Variants in ARL8B observed in about 807,000 individuals in gnomAD.
ARL8B encodes the protein ADP-ribosylation factor-like protein 8B.
A neutral mutation model predicts 30.6 loss-of-function variants in ARL8B; 9 were observed. The ratio of observed to expected loss-of-function variants is 0.29; its 90% CI spans 0.18 to 0.51. ARL8B has a LOEUF of 0.51. Among genes scored for constraint, ARL8B ranks in the 20% least tolerant of loss-of-function variants. The pLI is 0.97. For missense variants in ARL8B, 130 were observed against 227.2 expected, an observed-to-expected ratio of 0.57 and a Z score of 2.75; for synonymous variants, 74 against 76.0, an observed-to-expected ratio of 0.97 and a Z score of 0.14.
At chr3:5,133,421 G>A (rs1408289167) in intron 1 of ARL8B, among the ~76,000 whole-genome samples, 1 of 152,218 alleles carries the variant, frequency 6.6e-6, no homozygotes, top group African/African-American at 2.4e-5. Context: ...GAGACAGTTG[G>A]GGAGGAGGGG....
rs1474000192 is a variant in ARL8B, at chr3:5,179,953, T to C, written c.*1240T>C. 2.0e-5 allele frequency: 3 copies of C among 152,798 alleles called. No individual in the cohort carries two copies. Among genetic ancestry groups the C allele is most frequent in the Admixed American group, 6.5e-5 (1 of 15,304 alleles). The allele number at this position is 152,798 out of a possible 1,614,324, so 9.5% of individuals were successfully genotyped here. ...CTTCAAATGGACATGTTTTGTAGTT[T>C]AGCGACTTCCGTATACATAAAGGGA... On this transcript the variant is annotated 3_prime_UTR_variant, in exon 7 of 7. Transcript: ENST00000256496.
intron 1 of ARL8B, among the ~76,000 whole-genome samples, chr3:5,165,052 A>G (rs1386990001): frequency 2.6e-5 from 4 of 152,170 alleles, no homozygotes; most frequent in African/African-American, 9.7e-5. Context: ...CATGATGTTA[A>G]TCTGAGCATC....
chr3:5,179,599 T>G lies in ARL8B; in HGVS notation c.*886T>G, dbSNP rs2054760837. ...ATGTCAGTCTTTGTTCAAACATCTGTTTGTTCTATCTCCAGTCATTAAATC... is the reference window on the plus strand; with the variant it reads ...ATGTCAGTCTTTGTTCAAACATCTGGTTGTTCTATCTCCAGTCATTAAATC... On this transcript the variant is annotated 3_prime_UTR_variant, in exon 7 of 7. Coordinates refer to ENST00000256496, the MANE Select transcript of ARL8B (RefSeq NM_018184.3). 6.6e-6 allele frequency: 1 copy of G among 152,650 alleles called. No homozygotes were observed. Among genetic ancestry groups the G allele is most frequent in the Non-Finnish European group, 1.5e-5 (1 of 68,040 alleles). The allele number at this position is 152,650 out of a possible 1,614,324, so 9.5% of individuals were successfully genotyped here.
At chr3:5,158,747 G>T (rs1422351178) in intron 1 of ARL8B, among the ~76,000 whole-genome samples, 1 of 152,220 alleles carries the variant, frequency 6.6e-6, no homozygotes, top group African/African-American at 2.4e-5. Flanking sequence ...CGAAATGGTT[G>T]TTTATCAGTT....
At chr3:5,176,678 G>A (rs2054732901) in intron 6 of ARL8B, among the ~76,000 whole-genome samples, 1 of 152,196 alleles carries the variant, frequency 6.6e-6, no homozygotes, top group Non-Finnish European at 1.5e-5. Flanking sequence ...TAATTCACTT[G>A]TTACATTGGG....
At chr3:5,133,741 A>G (rs1411603526) in intron 1 of ARL8B, among the ~76,000 whole-genome samples, 1 of 152,190 alleles carries the variant, frequency 6.6e-6, no homozygotes, top group Non-Finnish European at 1.5e-5. Context: ...CAGCTTAGGC[A>G]ACATAGTGAA....
chr3:5,168,960 C>A (rs1192499459), intron 1 of ARL8B, among the ~76,000 whole-genome samples: 9 of 152,184 alleles, frequency 5.9e-5, no homozygotes, highest in Non-Finnish European at 2.9e-5. Flanking sequence ...AATATAATTA[C>A]AATGAAAATA....
chr3:5,166,423 A>G lies in ARL8B; in HGVS notation c.124-4080A>G, dbSNP rs11927993. 9.1e-3 allele frequency among the ~76,000 whole-genome samples: 1,335 copies of G among 146,210 alleles called. 20 individuals carry two copies. The highest frequency in any genetic ancestry group is 0.032 in the African/African-American group (1,252 of 38,966). On this transcript the variant is annotated intron_variant, in intron 1 of 6. Transcript: ENST00000256496. ...AGTGGTGCCATCTCAGCTCACTGCA[A>G]CCTCCGCCTCCTGGGTTCAAGCGAT...
Position 5,179,796 on chromosome 3 carries a change from C to G in ARL8B, c.*1083C>G, listed in dbSNP as rs948748861. The G allele has an allele frequency of 6.6e-6, 1 of 152,482 alleles. No individual in the cohort carries two copies. Among genetic ancestry groups the G allele is most frequent in the Non-Finnish European group, 1.5e-5 (1 of 68,028 alleles). The allele number at this position is 152,482 out of a possible 1,614,324, so 9.4% of individuals were successfully genotyped here. ...CCATTAGACATCTTGATTATTGTGA[C>G]AACTCTAGACCTGCCTGCTTTATCT... On this transcript the variant is annotated 3_prime_UTR_variant, in exon 7 of 7. Transcript: ENST00000256496.
chr3:5,158,036 A>G (rs2054547372), intron 1 of ARL8B, among the ~76,000 whole-genome samples: 1 of 151,546 alleles, frequency 6.6e-6, no homozygotes, highest in South Asian at 2.1e-4. Flanking sequence ...AGTGCAATGG[A>G]GCGATCTCAG....
intron 1 of ARL8B, among the ~76,000 whole-genome samples, chr3:5,145,686 T>C (rs1222120177): frequency 6.6e-6 from 1 of 152,186 alleles, no homozygotes; most frequent in Non-Finnish European, 1.5e-5. Flanking sequence ...CTGGGGACCA[T>C]TGCAAGGAAT....
chr3:5,124,256 A>ATTTTTT (rs35897178), intron 1 of ARL8B, among the ~76,000 whole-genome samples: 18 of 105,696 alleles, frequency 1.7e-4, no homozygotes, highest in African/African-American at 5.2e-4. Flanking sequence ...AATACCACTA[A>ATTTTTT]TTTTTTTTTT....
intron 1 of ARL8B, among the ~76,000 whole-genome samples, chr3:5,129,964 A>G (rs1156567148): frequency 6.6e-6 from 1 of 151,892 alleles, no homozygotes; most frequent in East Asian, 1.9e-4. Flanking sequence ...CCTGGGTTCA[A>G]GTGATTCTCC....
At position 5,135,732 on chromosome 3, in the gene ARL8B, C is replaced by T. The variant is rs189941591; in HGVS notation, c.123+13144C>T. On this transcript the variant is annotated intron_variant, in intron 1 of 6. Transcript: ENST00000256496. ...TCGGCCTCCTAAAGTGCTAGGATTA[C>T]AGGCGTGAGCCACCGCACCTGGCCT... 3.3e-3 allele frequency among the ~76,000 whole-genome samples: 488 copies of T among 147,212 alleles called. 3 individuals are homozygous for T. Among genetic ancestry groups the T allele is most frequent in the African/African-American group, 0.012 (462 of 40,100 alleles).
At chr3:5,171,374 G>A (rs2054674081) in intron 2 of ARL8B, among the ~76,000 whole-genome samples, 1 of 151,974 alleles carries the variant, frequency 6.6e-6, no homozygotes, top group Admixed American at 6.6e-5. Context: ...TTTTGAGATG[G>A]AGTTTCACTC....
intron 6 of ARL8B, among the ~76,000 whole-genome samples, chr3:5,176,304 C>G (rs550255234): frequency 6.6e-6 from 1 of 152,162 alleles, no homozygotes; most frequent in Non-Finnish European, 1.5e-5. Flanking sequence ...GATCTTAGCT[C>G]ACAGCAACCT....
intron 1 of ARL8B, among the ~76,000 whole-genome samples, chr3:5,149,709 A>T (rs1222361974): frequency 6.6e-6 from 1 of 152,162 alleles, no homozygotes. Context: ...CTGTTCACTT[A>T]TCATGACCTT....
At chr3:5,174,297 T>TA (rs1193280453) in intron 5 of ARL8B, 47 bp from the exon 6 acceptor site, 1 of 1,305,394 alleles carries the variant, frequency 7.7e-7, no homozygotes, top group Admixed American at 1.7e-5. Flanking sequence ...GTGATAAGTA[T>TA]GACAGCTGTT....
intron 1 of ARL8B, among the ~76,000 whole-genome samples, chr3:5,158,382 G>A (rs189374037): frequency 3.9e-5 from 6 of 152,316 alleles, no homozygotes; most frequent in South Asian, 2.1e-4. Context: ...TTCATGGACC[G>A]TGGGTGATGG....
Sources: gnomAD v4.1 joint callset for allele counts (sites outside exome capture counted in the v4.1 genomes callset) on GRCh38, gnomAD v4.1.1 for gene constraint, MANE v1.5 for transcripts, NCBI Gene and HGNC (gene_info 2026-07-23, HGNC 2026-07-21) for gene names.